The following FCRL5 variants were observed in gnomAD, a reference collection of about 807,000 sequenced individuals.
FCRL5 encodes the protein Fc receptor-like protein 5.
FCRL5 carries 79 observed loss-of-function variants against 92.1 expected under a neutral mutation model. That is an observed-to-expected ratio of 0.86 (90% CI 0.72 to 1.03). The LOEUF (loss-of-function observed/expected upper bound fraction) is 1.03, where lower values mean the gene tolerates loss of function less well. Among genes scored for constraint, FCRL5 ranks in the 50% least tolerant of loss-of-function variants. The pLI is 0.00. For missense variants in FCRL5, 1,160 were observed against 1,181.1 expected, an observed-to-expected ratio of 0.98 and a Z score of 0.26; for synonymous variants, 466 against 469.3, an observed-to-expected ratio of 0.99 and a Z score of 0.09.
intron 8 of FCRL5, 100 bp from the exon 9 acceptor site, chr1:157,527,995 A>T: frequency 1.5e-6 from 2 of 1,325,380 alleles, no homozygotes. Context: ...AATAAAGGAC[A>T]TCCAAATTGG....
intron 8 of FCRL5, among the ~76,000 whole-genome samples, chr1:157,531,420 A>G (rs1000047883): frequency 6.6e-6 from 1 of 152,218 alleles, no homozygotes; most frequent in African/African-American, 2.4e-5. Context: ...AAGTTTCTCA[A>G]TAAAATAAAA....
chr1:157,549,723 TATATATATACACATAAATATAC>T (rs1651727509), intron 1 of FCRL5, 143 bp from the exon 2 acceptor site: 3 of 593,902 alleles, frequency 5.1e-6, no homozygotes, highest in Non-Finnish European at 8.8e-6. Flanking sequence ...TCATCAAATG[TATATATATACACATAAATATAC>T]ATATATATAC....
At position 157,527,639 on chromosome 1, in the gene FCRL5, G is replaced by T; in HGVS notation, c.1938C>A (p.Asp646Glu). ...ANNGLVAQHS[D>E]TISLSVIVPV... is the part of the protein sequence containing the mutation. ...TACCTATAACACTGAGTGATATTGT[G>T]TCACTGTGCTGGGCCACTAGGCCAT... The change falls in exon 9 of 17, where the codon GAC becomes GAA. Residue 646 changes from aspartate to glutamate, a missense_variant. Transcript: ENST00000361835. 6.2e-7 allele frequency: 1 copy of T among 1,611,338 alleles called. No homozygotes were observed. The highest frequency in any genetic ancestry group is 8.5e-7 in the Non-Finnish European group (1 of 1,178,568).
Position 157,534,625 on chromosome 1 carries a change from AG to A in FCRL5, c.1669del (p.Leu557PhefsTer68). On this transcript the variant is annotated frameshift_variant, in exon 8 of 17. Coordinates refer to ENST00000361835, the MANE Select transcript of FCRL5 (RefSeq NM_031281.3). LOFTEE classifies it high-confidence loss of function. ...AACCCAGCACTTACCAGTGACAAAAAGGCTCACCACTTCACTGCGCTGGGGA... is the reference window on the plus strand; with the variant it reads ...AACCCAGCACTTACCAGTGACAAAAAGCTCACCACTTCACTGCGCTGGGGA... Reference protein sequence around the residue: ...FGPQRSEVVSLFVTVPVSRPI... With the variant: ...FGPQRSEVVSXFVTVPVSRPI... 1.2e-6 allele frequency: 2 copies of A among 1,614,178 alleles called. No homozygotes were observed. Among genetic ancestry groups the A allele is most frequent in the Non-Finnish European group, 8.5e-7 (1 of 1,180,028 alleles).
intron 6 of FCRL5, among the ~76,000 whole-genome samples, 194 bp from the exon 7 acceptor site, chr1:157,539,558 AC>A (rs888555167): frequency 2.0e-5 from 3 of 152,008 alleles, no homozygotes; most frequent in African/African-American, 7.3e-5. Flanking sequence ...AAAGCTACAT[AC>A]CTCCCTCAAA....
chr1:157,515,728 AC>A lies in FCRL5; in HGVS notation c.2880del (p.Ser961GlnfsTer42). The A allele has an allele frequency of 6.2e-7, 1 of 1,613,770 alleles. No homozygotes were observed. Among genetic ancestry groups the A allele is most frequent in the South Asian group, 1.1e-5 (1 of 91,080 alleles). On this transcript the variant is annotated frameshift_variant, in exon 17 of 17. Transcript: ENST00000361835. LOFTEE classifies it low-confidence loss of function (END_TRUNC). ...AACAGGGATCCGGAAACCGGGGTTG[AC>A]GCCACCTTAACTTCAGAGTAGATGA... ...SPIIYSEVKV[A>X]STPVSGSLFL...
intron 3 of FCRL5, among the ~76,000 whole-genome samples, 176 bp from the exon 4 acceptor site, chr1:157,545,258 A>T (rs752655461): frequency 2.0e-5 from 3 of 152,232 alleles, no homozygotes; most frequent in Non-Finnish European, 4.4e-5. Flanking sequence ...AGAAAAGTTG[A>T]AAAGCAGAAA....
Position 157,534,645 on chromosome 1 carries a change from C to A in FCRL5, c.1650G>T (p.Gln550His). ...CAAAAAGGCTCACCACTTCACTGCG[C>A]TGGGGACCAAAGCCATTGTCAGCTG... The part of the protein sequence containing the change: ...YCTADNGFGP[Q>H]RSEVVSLFVT... Residue 550 changes from glutamine to histidine, a missense_variant, in exon 8 of 17, where the codon CAG becomes CAT. Physicochemically the swap from Gln to His is conservative, Grantham distance 24. Coordinates refer to ENST00000361835, the MANE Select transcript of FCRL5 (RefSeq NM_031281.3). 6.2e-7 allele frequency: 1 copy of A among 1,614,194 alleles called. No homozygotes were observed. Among genetic ancestry groups the A allele is most frequent in the Non-Finnish European group, 8.5e-7 (1 of 1,180,050 alleles).
chr1:157,545,694 A>T (rs950626200), intron 3 of FCRL5, among the ~76,000 whole-genome samples: 14 of 151,918 alleles, frequency 9.2e-5, no homozygotes, highest in African/African-American at 3.1e-4. Context: ...AAGCCCGGCT[A>T]ATTTTTTGTA....
Position 157,539,515 on chromosome 1 carries a change from T to C in FCRL5, c.1124-151A>G, listed in dbSNP as rs1049816947. The stretch of plus-strand genomic sequence containing the variant: ...TCAGGCAAACCTGCTTTTTATTTTA[T>C]TCCTTAATAAGATAACTTCAAAGAC... On this transcript the variant is annotated intron_variant, in intron 6 of 16. Transcript: ENST00000361835. The C allele has an allele frequency of 1.6e-4, 111 of 693,572 alleles. No individual in the cohort carries two copies. The Middle Eastern group carries it at 1.6e-3, about 10-fold the overall frequency. 43.0% of individuals were successfully genotyped at this position (693,572 alleles called of 1,614,324 possible).
intron 3 of FCRL5, 91 bp from the exon 4 acceptor site, chr1:157,545,173 T>C (rs1651472266): frequency 4.9e-6 from 7 of 1,427,434 alleles, no homozygotes; most frequent in Middle Eastern, 5.1e-4. Flanking sequence ...TTTAAAAAAA[T>C]GGGTTGGGAA....
intron 15 of FCRL5, among the ~76,000 whole-genome samples, chr1:157,517,844 A>G (rs943694264): frequency 1.3e-5 from 2 of 152,156 alleles, no homozygotes; most frequent in African/African-American, 4.8e-5. Context: ...CTAATCCCCA[A>G]TGTGATGGCA....
At chr1:157,519,948 G>C (rs141227043) in intron 12 of FCRL5, among the ~76,000 whole-genome samples, 178 bp from the exon 13 acceptor site, 116 of 152,200 alleles carry the variant, frequency 7.6e-4, no homozygotes, top group African/African-American at 2.7e-3. Context: ...CTGCCAGAGG[G>C]GTTTGCTATG....
intron 6 of FCRL5, 152 bp downstream of exon 6, chr1:157,542,707 G>A: frequency 2.1e-6 from 2 of 930,746 alleles, no homozygotes; most frequent in Admixed American, 4.7e-5. Context: ...GAGGCAGACA[G>A]CTGGTTCAGT....
intron 5 of FCRL5, 63 bp downstream of exon 5, chr1:157,544,199 T>G (rs1328570998): frequency 1.7e-5 from 26 of 1,573,546 alleles, no homozygotes; most frequent in Non-Finnish European, 2.3e-5. Flanking sequence ...CACGCTGATA[T>G]GCAGCCCTGT....
chr1:157,538,890 G>A (rs1053760823), intron 7 of FCRL5, among the ~76,000 whole-genome samples, 196 bp downstream of exon 7: 8 of 152,228 alleles, frequency 5.3e-5, no homozygotes, highest in Non-Finnish European at 8.8e-5. Flanking sequence ...GCAGGGGTGG[G>A]AAGGCACCCA....
intron 15 of FCRL5, among the ~76,000 whole-genome samples, chr1:157,516,657 G>A (rs971088505): frequency 2.0e-5 from 3 of 152,208 alleles, no homozygotes; most frequent in Admixed American, 6.5e-5. Context: ...TTCAGCACAT[G>A]ATAGATATTA....
At chr1:157,543,177 T>C (rs1651353685) in intron 5 of FCRL5, 40 bp from the exon 6 acceptor site, 1 of 1,586,568 alleles carries the variant, frequency 6.3e-7, no homozygotes, top group East Asian at 2.2e-5. Context: ...TGCTTTTGCC[T>C]CTTACTGTAG....
intron 1 of FCRL5, 140 bp downstream of exon 1, chr1:157,552,192 G>T: frequency 1.3e-6 from 1 of 789,914 alleles, no homozygotes; most frequent in African/African-American, 1.7e-5. Flanking sequence ...GAGCTACAGA[G>T]TAAAGTTCAA....
Sources: allele counts gnomAD v4.1 joint callset (sites outside exome capture counted in the v4.1 genomes callset), GRCh38; gene constraint gnomAD v4.1.1; transcripts MANE v1.5; gene names NCBI Gene and HGNC (gene_info 2026-07-23, HGNC 2026-07-21).